Variants in DCDC1 observed in about 807,000 individuals in gnomAD.
DCDC1 encodes the protein doublecortin domain-containing protein 1.
Under a neutral mutation model 178.3 loss-of-function variants are expected in DCDC1, and 200 were observed. That is an observed-to-expected ratio of 1.12 (90% CI 1.00 to 1.26). DCDC1 has a LOEUF of 1.26. Among genes scored for constraint, DCDC1 ranks in the 50% most tolerant of loss-of-function variants. DCDC1 has a pLI of 0.00. For synonymous variants in DCDC1, 690 were observed against 604.8 expected (o/e 1.14, Z -2.07); for missense variants, 1,983 against 1,749.2 (o/e 1.13, Z -2.38).
At chr11:31,301,948 C>T (rs972465880) in intron 6 of DCDC1, among the ~76,000 whole-genome samples, 8 of 152,042 alleles carry the variant, frequency 5.3e-5, no homozygotes, top group African/African-American at 1.9e-4. Flanking sequence ...TACGTCTTCA[C>T]AATATTGGAT....
intron 9 of DCDC1, among the ~76,000 whole-genome samples, chr11:31,144,726 C>T (rs1374795502): frequency 1.3e-5 from 2 of 151,940 alleles, no homozygotes; most frequent in South Asian, 4.1e-4. Context: ...TGTATGTTTA[C>T]TTTCTTTGCT....
chr11:31,134,802 C>T (rs1962916047), intron 10 of DCDC1, among the ~76,000 whole-genome samples: 1 of 152,034 alleles, frequency 6.6e-6, no homozygotes, highest in Admixed American at 6.6e-5. Context: ...CAAGACCAGC[C>T]TGGGCAACAT....
At chr11:31,219,869 A>AT (rs1389335239) in intron 9 of DCDC1, among the ~76,000 whole-genome samples, 1 of 152,124 alleles carries the variant, frequency 6.6e-6, no homozygotes, top group Non-Finnish European at 1.5e-5. Context: ...TATTAACCTC[A>AT]TTTTACAGAT....
At chr11:31,121,571 A>G (rs1960809913) in intron 11 of DCDC1, among the ~76,000 whole-genome samples, 1 of 151,304 alleles carries the variant, frequency 6.6e-6, no homozygotes, top group Non-Finnish European at 1.5e-5. Flanking sequence ...TTGTTCACTG[A>G]TCAATGCAAG....
intron 20 of DCDC1, among the ~76,000 whole-genome samples, chr11:31,002,942 C>T (rs1951653874): frequency 6.6e-6 from 1 of 152,094 alleles, no homozygotes; most frequent in Non-Finnish European, 1.5e-5. Context: ...TTCAAAAGGC[C>T]ATTAAGCTGT....
In DCDC1 at chr11:30,894,404, G is replaced by C. The variant is rs1315546375; in HGVS notation, c.4766-20C>G. On this transcript the variant is annotated intron_variant, in intron 34 of 38. Transcript: ENST00000684477. ...GCCGCCCTGAGGAAACAAGTCTCTA[G>C]AAATTTTGTTTCTGATGATAGGCTT... 1 of 1,603,210 alleles carries C rather than the reference G, an allele frequency of 6.2e-7. No homozygotes were observed. Among genetic ancestry groups the C allele is most frequent in the East Asian group, 2.2e-5 (1 of 44,812 alleles).
At position 31,306,300 on chromosome 11, in the gene DCDC1, T is replaced by C. The variant is rs1194461874; in HGVS notation, c.523A>G (p.Lys175Glu). 1 of 1,611,130 alleles carries C rather than the reference T, an allele frequency of 6.2e-7. No individual in the cohort carries two copies. The highest frequency in any genetic ancestry group is 1.3e-5 in the African/African-American group (1 of 74,748). Residue 175 changes from lysine to glutamate, a missense_variant, in exon 5 of 39, where the codon AAA becomes GAA. Lys to Glu is a moderately conservative substitution (Grantham distance 56). Transcript: ENST00000684477. Reference protein sequence around the residue: ...QRHKLQPRVIKVTAYKNGSRT... With the variant: ...QRHKLQPRVIEVTAYKNGSRT... ...GATCCATTTTTGTAAGCTGTTACTTTAATCACTCTTGGTTGAAGTTTGTGT... is the reference window on the plus strand; with the variant it reads ...GATCCATTTTTGTAAGCTGTTACTTCAATCACTCTTGGTTGAAGTTTGTGT...
At chr11:31,332,056 A>G (rs1177827878) in intron 2 of DCDC1, among the ~76,000 whole-genome samples, 2 of 152,024 alleles carry the variant, frequency 1.3e-5, no homozygotes, top group African/African-American at 2.4e-5. Flanking sequence ...TCAATTTGAG[A>G]GCCTGTTATT....
At chr11:30,997,492 T>C (rs1196894939) in intron 20 of DCDC1, among the ~76,000 whole-genome samples, 1 of 152,100 alleles carries the variant, frequency 6.6e-6, no homozygotes, top group Admixed American at 6.6e-5. Context: ...AAGTATTTTG[T>C]CTAGATATTG....
chr11:30,910,555 G>C (rs1034221214), intron 28 of DCDC1, among the ~76,000 whole-genome samples: 1 of 152,128 alleles, frequency 6.6e-6, no homozygotes, highest in Admixed American at 6.5e-5. Flanking sequence ...ATGTTATCTG[G>C]AGGCAATCTA....
At chr11:30,932,286 G>C (rs1946980032) in intron 21 of DCDC1, among the ~76,000 whole-genome samples, 1 of 152,056 alleles carries the variant, frequency 6.6e-6, no homozygotes, top group African/African-American at 2.4e-5. Context: ...TGTGAAGAAG[G>C]AATGTGACAA....
intron 17 of DCDC1, among the ~76,000 whole-genome samples, chr11:31,078,847 T>C (rs1957010924): frequency 7.5e-6 from 1 of 133,040 alleles, no homozygotes; most frequent in Non-Finnish European, 1.6e-5. Context: ...CATTAACAGG[T>C]GTTTCAAGTT....
chr11:30,873,329 A>ATGTG (rs1208164800), intron 38 of DCDC1, among the ~76,000 whole-genome samples: 4 of 140,246 alleles, frequency 2.9e-5, no homozygotes, highest in African/African-American at 8.7e-5. Flanking sequence ...ATATATAAAA[A>ATGTG]TGTGTGTGTA....
chr11:30,971,611 T>TTTG (rs1182860337), intron 20 of DCDC1, among the ~76,000 whole-genome samples: 2 of 122,222 alleles, frequency 1.6e-5, no homozygotes, highest in African/African-American at 5.6e-5. Context: ...TTGTTTTTTT[T>TTTG]TTTTTTTTTT....
At chr11:31,195,707 A>C (rs1006624525) in intron 9 of DCDC1, among the ~76,000 whole-genome samples, 1 of 151,922 alleles carries the variant, frequency 6.6e-6, no homozygotes, top group Non-Finnish European at 1.5e-5. Flanking sequence ...ATATGTATTT[A>C]TTTGTATAGT....
intron 9 of DCDC1, among the ~76,000 whole-genome samples, chr11:31,233,118 A>G (rs151138569): frequency 6.6e-6 from 1 of 151,896 alleles, no homozygotes; most frequent in East Asian, 1.9e-4. Context: ...TATATACCTT[A>G]TTTAATCTTC....
rs775620147 is a variant in DCDC1 at position 31,290,804 on chromosome 11, A to G, written c.803T>C (p.Met268Thr). 1.2e-6 allele frequency: 2 copies of G among 1,613,354 alleles called. No individual in the cohort carries two copies. Among genetic ancestry groups the G allele is most frequent in the South Asian group, 1.1e-5 (1 of 91,024 alleles). ...CCGTCTTTTGATATCAGTAGGAAGC[A>G]TCAACCCATTCATTGTCCAAGTTAC... ...KKVTWTMNGL[M>T]LPTDIKRRKT... Residue 268 changes from methionine to threonine, a missense_variant, in exon 7 of 39, where the codon ATG (methionine) becomes ACG (threonine). Transcript: ENST00000684477.
At chr11:31,149,552 G>GGAA (rs1461295103) in intron 9 of DCDC1, among the ~76,000 whole-genome samples, 1 of 152,046 alleles carries the variant, frequency 6.6e-6, no homozygotes, top group African/African-American at 2.4e-5. Context: ...TCCACGCTGT[G>GGAA]GAAGCTTTGT....
intron 38 of DCDC1, among the ~76,000 whole-genome samples, chr11:30,870,434 A>G (rs1941434017): frequency 1.3e-5 from 2 of 152,186 alleles, no homozygotes; most frequent in African/African-American, 4.8e-5. Context: ...TCATATTTTA[A>G]CATTAGGAAA....
Sources: gnomAD v4.1 joint callset for allele counts (sites outside exome capture counted in the v4.1 genomes callset) on GRCh38, gnomAD v4.1.1 for gene constraint, MANE v1.5 for transcripts, NCBI Gene and HGNC (gene_info 2026-07-23, HGNC 2026-07-21) for gene names.